Variants in CNTNAP5 observed in about 807,000 individuals in gnomAD.
CNTNAP5 encodes contactin-associated protein-like 5.
In CNTNAP5, 72 loss-of-function variants were observed where a neutral mutation model predicts 150.2. That is an observed-to-expected ratio of 0.48 (90% CI 0.40 to 0.58). The LOEUF is 0.58. CNTNAP5 is among the 20% of genes least tolerant of loss of function. The pLI, the probability that CNTNAP5 is intolerant of heterozygous loss-of-function variation, is 0.00. For missense variants in CNTNAP5, 1,636 were observed against 1,626.2 expected (o/e 1.01, Z -0.10); for synonymous variants, 672 against 619.8 (o/e 1.08, Z -1.25).
At chr2:124,287,703 A>T (rs1268902122) in intron 3 of CNTNAP5, among the ~76,000 whole-genome samples, 3 of 152,158 alleles carry the variant, frequency 2.0e-5, no homozygotes, top group Non-Finnish European at 4.4e-5. Flanking sequence ...CTCATCTAAG[A>T]GCCTAGAGAT....
At chr2:124,528,541 T>C (rs1695030059) in intron 10 of CNTNAP5, among the ~76,000 whole-genome samples, 2 of 152,202 alleles carry the variant, frequency 1.3e-5, no homozygotes, top group African/African-American at 2.4e-5. Context: ...CTCTAATAGT[T>C]GAATTGGCAA....
At chr2:124,042,932 A>C (rs1462824895) in intron 1 of CNTNAP5, among the ~76,000 whole-genome samples, 1 of 152,186 alleles carries the variant, frequency 6.6e-6, no homozygotes, top group African/African-American at 2.4e-5. Flanking sequence ...GAACCAATCT[A>C]TTTAGATGAC....
chr2:124,580,856 GAGA>G (rs1249128570), intron 11 of CNTNAP5, among the ~76,000 whole-genome samples: 1 of 152,178 alleles, frequency 6.6e-6, no homozygotes, highest in African/African-American at 2.4e-5. Context: ...AGATATAAAG[GAGA>G]AGTTCAGAAC....
At chr2:124,809,380 GTATTTATTTATT>G (rs71387244) in intron 19 of CNTNAP5, among the ~76,000 whole-genome samples, 7,552 of 144,956 alleles carry the variant, frequency 0.052, 598 homozygotes, top group African/African-American at 0.18. Context: ...CAATAATATG[GTATTTATTTATT>G]TATTTATTTA....
chr2:124,120,549 G>T (rs17010881), intron 1 of CNTNAP5, among the ~76,000 whole-genome samples: 13,813 of 152,214 alleles, frequency 0.091, 807 homozygotes, highest in East Asian at 0.34. Context: ...AAACTATCTG[G>T]TGTAATCAGC....
chr2:124,050,021 A>G (rs1331342379), intron 1 of CNTNAP5, among the ~76,000 whole-genome samples: 1 of 152,072 alleles, frequency 6.6e-6, no homozygotes, highest in African/African-American at 2.4e-5. Context: ...TCTACTTCCT[A>G]ATAGTGTCAC....
intron 7 of CNTNAP5, among the ~76,000 whole-genome samples, chr2:124,503,617 A>G (rs1269263111): frequency 6.6e-6 from 1 of 152,194 alleles, no homozygotes; most frequent in Non-Finnish European, 1.5e-5. Flanking sequence ...ACTGTTTCTA[A>G]GTTTGAATGA....
Position 124,688,466 on chromosome 2 carries a change from C to G in CNTNAP5, c.2077+40508C>G, listed in dbSNP as rs564018901. The stretch of plus-strand genomic sequence containing the variant: ...AAATTCAGGGAAAACATCAGTTAGT[C>G]TGGATGACTATTTTAGAAAAAGGAA... On this transcript the variant is annotated intron_variant, in intron 13 of 23. Coordinates refer to ENST00000682447, the MANE Select transcript of CNTNAP5 (RefSeq NM_001367498.1). Among the ~76,000 whole-genome samples the G allele has an allele frequency of 2.6e-5, 4 of 151,988 alleles. No individual in the cohort carries two copies. In the South Asian group the frequency reaches 8.3e-4, roughly 31 times the overall value.
chr2:124,537,810 T>G (rs1695274225), intron 10 of CNTNAP5, among the ~76,000 whole-genome samples: 1 of 152,172 alleles, frequency 6.6e-6, no homozygotes, highest in Non-Finnish European at 1.5e-5. Flanking sequence ...TATCATCACT[T>G]GTTTTTACAA....
intron 3 of CNTNAP5, among the ~76,000 whole-genome samples, chr2:124,244,072 T>G (rs570254188): frequency 6.6e-6 from 1 of 152,262 alleles, no homozygotes; most frequent in African/African-American, 2.4e-5. Flanking sequence ...AGCTTTGAGT[T>G]ATTGTGCCTA....
chr2:124,504,537 C>T lies in CNTNAP5; in HGVS notation c.1308C>T (p.Arg436=), dbSNP rs1211216647. The change falls in exon 8 of 24, where the codon CGC becomes CGT. Residue 436 remains arginine (R), a synonymous_variant. Coordinates refer to ENST00000682447, the MANE Select transcript of CNTNAP5 (RefSeq NM_001367498.1). ...TCGTGATTCAGAAAATGACAGAACG[C>T]GTAGCTGAAATCCTCACAGGTACTG... ...LRLVIQKMTE[R]VAEILTGSNL... is the part of the protein sequence containing the mutation. 5.6e-6 allele frequency: 9 copies of T among 1,613,618 alleles called. No individual in the cohort carries two copies. Among genetic ancestry groups the T allele is most frequent in the South Asian group, 2.2e-5 (2 of 91,050 alleles).
In CNTNAP5 at chr2:124,233,481, C is replaced by T. The variant is rs549848578; in HGVS notation, c.188-8719C>T. Among the ~76,000 whole-genome samples the T allele has an allele frequency of 2.6e-5, 4 of 152,218 alleles. No individual in the cohort carries two copies. The South Asian group carries it at 6.2e-4, about 24-fold the overall frequency. Reference sequence around the variant, plus strand: ...TGAAACTCTTCAAGGATCCAAGACCCAGAATCACCCTTTCCTATTTCACCA... The same window carrying T: ...TGAAACTCTTCAAGGATCCAAGACCTAGAATCACCCTTTCCTATTTCACCA... On this transcript the variant is annotated intron_variant, in intron 2 of 23. Coordinates refer to ENST00000682447, the MANE Select transcript of CNTNAP5 (RefSeq NM_001367498.1).
At chr2:124,146,725 TTTA>T (rs1684262707) in intron 1 of CNTNAP5, among the ~76,000 whole-genome samples, 1 of 152,206 alleles carries the variant, frequency 6.6e-6, no homozygotes, top group African/African-American at 2.4e-5. Flanking sequence ...AGTAGTTATG[TTTA>T]TTATTTTTAT....
At chr2:124,855,900 T>C (rs760359749) in intron 19 of CNTNAP5, among the ~76,000 whole-genome samples, 2 of 152,266 alleles carry the variant, frequency 1.3e-5, no homozygotes, top group East Asian at 1.9e-4. Context: ...AAGTCCATTG[T>C]ATCATTCTTA....
rs1204058883 is a variant in CNTNAP5, at chr2:124,463,843, G to T, written c.919-10896G>T. ...GGACACTGTGTGTGTGGCACTTAGAGTTGGGGCTCTAGATTGAAGGATGTG... is the reference window on the plus strand; with the variant it reads ...GGACACTGTGTGTGTGGCACTTAGATTTGGGGCTCTAGATTGAAGGATGTG... On this transcript the variant is annotated intron_variant, in intron 6 of 23. Coordinates refer to ENST00000682447, the MANE Select transcript of CNTNAP5 (RefSeq NM_001367498.1). Among the ~76,000 whole-genome samples the T allele has an allele frequency of 2.0e-5, 3 of 152,142 alleles. No homozygotes were observed. The East Asian group carries it at 5.8e-4, about 29-fold the overall frequency.
intron 3 of CNTNAP5, among the ~76,000 whole-genome samples, chr2:124,375,537 T>C (rs778152668): frequency 1.3e-5 from 2 of 152,012 alleles, no homozygotes; most frequent in Non-Finnish European, 1.5e-5. Flanking sequence ...GGAGGCCACA[T>C]GGTAATTAAT....
intron 1 of CNTNAP5, among the ~76,000 whole-genome samples, chr2:124,209,278 G>A (rs1685943986): frequency 6.6e-6 from 1 of 152,162 alleles, no homozygotes; most frequent in Non-Finnish European, 1.5e-5. Flanking sequence ...AAGTAAGTCA[G>A]AGAGAAGATG....
At chr2:124,452,239 G>A (rs541221555) in intron 6 of CNTNAP5, among the ~76,000 whole-genome samples, 27 of 152,168 alleles carry the variant, frequency 1.8e-4, no homozygotes, top group Non-Finnish European at 3.7e-4. Flanking sequence ...TTTGTGTTGC[G>A]TGGGAGCTGG....
intron 4 of CNTNAP5, among the ~76,000 whole-genome samples, chr2:124,417,880 G>C (rs149978893): frequency 0.034 from 5,185 of 152,254 alleles, 138 homozygotes; most frequent in Non-Finnish European, 0.047. Flanking sequence ...ACAAAATTGA[G>C]TTTAATTCTT....
Sources: gnomAD v4.1 joint callset for allele counts (sites outside exome capture counted in the v4.1 genomes callset) on GRCh38, gnomAD v4.1.1 for gene constraint, MANE v1.5 for transcripts, NCBI Gene and HGNC (gene_info 2026-07-23, HGNC 2026-07-21) for gene names.